Variants in OAS2 observed in about 807,000 individuals in gnomAD.
OAS2 encodes the protein 2'-5'-oligoadenylate synthase 2.
A neutral mutation model predicts 71.3 loss-of-function variants in OAS2; 67 were observed. That is an observed-to-expected ratio of 0.94 (90% CI 0.77 to 1.15). OAS2 has a LOEUF of 1.15. Ranked by LOEUF, OAS2 falls within the 50% of genes most tolerant of loss-of-function variation. OAS2 has a pLI of 0.00. For missense variants in OAS2, 789 were observed against 822.5 expected (o/e 0.96, Z 0.50); for synonymous variants, 327 against 321.8 (o/e 1.02, Z -0.17).
Position 113,009,664 on chromosome 12 carries a change from C to T in OAS2, c.*409C>T, listed in dbSNP as rs890880996. ...CCAGATGGCAGGTTTGCAATCCAAG[C>T]AGGAAGAAGGAAAAGATACCCAAAG... is the stretch of plus-strand genomic sequence containing the variant. On this transcript the variant is annotated 3_prime_UTR_variant, in exon 10 of 10. Transcript: ENST00000392583. 2.0e-6 allele frequency: 2 copies of T among 990,758 alleles called. No homozygotes were observed. The highest frequency in any genetic ancestry group is 2.4e-6 in the Non-Finnish European group (2 of 833,890). The allele number at this position is 990,758 out of a possible 1,614,324, so 61.4% of individuals were successfully genotyped here.
Position 112,978,598 on chromosome 12 carries a change from A to G in OAS2, c.-11A>G. The G allele has an allele frequency of 6.2e-7, 1 of 1,613,612 alleles. No individual in the cohort carries two copies. Among genetic ancestry groups the G allele is most frequent in the East Asian group, 2.2e-5 (1 of 44,846 alleles). ...ACCATTCACTGTCTTGCCGGCAGCC[A>G]GCTGAGAGCAATGGGAAATGGGGAG... On this transcript the variant is annotated 5_prime_UTR_variant, in exon 1 of 10. Coordinates refer to ENST00000392583, the MANE Select transcript of OAS2 (RefSeq NM_002535.3). The surrounding 1 kb of genome is among the most constrained non-coding windows in gnomAD (Gnocchi z 4.2).
chr12:112,994,677 C>A (rs1046729408), intron 2 of OAS2, among the ~76,000 whole-genome samples: 1 of 152,188 alleles, frequency 6.6e-6, no homozygotes, highest in Non-Finnish European at 1.5e-5. Flanking sequence ...CTGCCTCAGA[C>A]TCCCAAAGTG....
intron 5 of OAS2, among the ~76,000 whole-genome samples, chr12:113,002,076 G>A (rs1296061): frequency 0.8 from 121,071 of 152,002 alleles, 49,233 homozygotes; most frequent in East Asian, 1. Flanking sequence ...AAGGCTACCT[G>A]TTGGGTTCTA....
rs1219203993 is a variant in OAS2 at position 112,987,123 on chromosome 12, A to G, written c.263A>G (p.Gln88Arg). The change falls in exon 2 of 10, where the codon CAG becomes CGG. Residue 88 changes from glutamine to arginine, a missense_variant. Coordinates refer to ENST00000392583, the MANE Select transcript of OAS2 (RefSeq NM_002535.3). Reference sequence around the variant, plus strand: ...TTCTTCAGTGACTTAAAACAATTCCAGGATCAGAAGAGAAGCCAACGTGAC... The same window carrying G: ...TTCTTCAGTGACTTAAAACAATTCCGGGATCAGAAGAGAAGCCAACGTGAC... ...VLFFSDLKQF[Q>R]DQKRSQRDIL... is the part of the protein sequence containing the mutation. 1 of 1,614,060 alleles carries G rather than the reference A, an allele frequency of 6.2e-7. No homozygotes were observed. The highest frequency in any genetic ancestry group is 8.5e-7 in the Non-Finnish European group (1 of 1,180,020).
At chr12:113,005,812 G>A (rs2044326981) in intron 7 of OAS2, among the ~76,000 whole-genome samples, 1 of 149,760 alleles carries the variant, frequency 6.7e-6, no homozygotes, top group East Asian at 2.0e-4. Context: ...GATTGCTTGA[G>A]CCCAGGAGAT....
chr12:112,980,925 G>C (rs369559636), intron 1 of OAS2, among the ~76,000 whole-genome samples: 1 of 152,182 alleles, frequency 6.6e-6, no homozygotes. Context: ...GGGTGAGATG[G>C]TATCTCATTG....
chr12:112,993,058 A>G (rs921905200), intron 2 of OAS2, among the ~76,000 whole-genome samples: 6 of 152,144 alleles, frequency 3.9e-5, no homozygotes, highest in Non-Finnish European at 8.8e-5. Context: ...AATTATTATA[A>G]GCTCCTTTTT....
intron 4 of OAS2, among the ~76,000 whole-genome samples, chr12:112,998,002 A>G (rs1244470208): frequency 2.0e-5 from 3 of 152,140 alleles, no homozygotes; most frequent in Admixed American, 1.3e-4. Flanking sequence ...CCCCTTATAG[A>G]AGGAAGGAGC....
rs763845869 is a variant in OAS2 at position 113,003,112 on chromosome 12, G to C, written c.1179+10G>C. 1.9e-6 allele frequency: 3 copies of C among 1,613,610 alleles called. No homozygotes were observed. Among genetic ancestry groups the C allele is most frequent in the Non-Finnish European group, 2.5e-6 (3 of 1,179,740 alleles). On this transcript the variant is annotated intron_variant, in intron 6 of 9. Transcript: ENST00000392583. ...GATCCAGATTGTCCGGGTGAGCACTGGCCTTTCTCATGTCTTGTTGGAATG... is the reference window on the plus strand; with the variant it reads ...GATCCAGATTGTCCGGGTGAGCACTCGCCTTTCTCATGTCTTGTTGGAATG...
At chr12:112,986,118 G>T (rs1372325943) in intron 1 of OAS2, among the ~76,000 whole-genome samples, 1 of 152,230 alleles carries the variant, frequency 6.6e-6, no homozygotes, top group Non-Finnish European at 1.5e-5. Context: ...AGTGTTGTCT[G>T]TGAGCTCCTC....
In OAS2 at chr12:113,010,174, A is replaced by T. The variant is rs1210495373; in HGVS notation, c.*919A>T. 1 of 1,322,614 alleles carries T rather than the reference A, an allele frequency of 7.6e-7. No homozygotes were observed. The highest frequency in any genetic ancestry group is 9.6e-7 in the Non-Finnish European group (1 of 1,036,290). The allele number at this position is 1,322,614 out of a possible 1,614,324, so 81.9% of individuals were successfully genotyped here. A position where few individuals can be genotyped will look rare whatever the true frequency, so the allele number is the denominator to read the frequency against. On this transcript the variant is annotated 3_prime_UTR_variant, in exon 10 of 10. Transcript: ENST00000392583. ...ACCCTACACCCCAACCCTGGGGGGA[A>T]TGTAGGGAAGAGGTGGCCAAGCCAA...
At chr12:113,008,274 T>TTATCTACTC (rs1432826544) in intron 9 of OAS2, among the ~76,000 whole-genome samples, 1 of 152,150 alleles carries the variant, frequency 6.6e-6, no homozygotes, top group Non-Finnish European at 1.5e-5. Flanking sequence ...GGGTTAGGGT[T>TTATCTACTC]TATCTACTCT....
At position 112,987,037 on chromosome 12, in the gene OAS2, G is replaced by T. The variant is rs375439472; in HGVS notation, c.178-1G>T. 2.5e-6 allele frequency: 4 copies of T among 1,604,216 alleles called. No individual in the cohort carries two copies. The highest frequency in any genetic ancestry group is 3.4e-6 in the Non-Finnish European group (4 of 1,172,726). On this transcript the variant is annotated splice_acceptor_variant, in intron 1 of 9. Transcript: ENST00000392583. LOFTEE classifies it high-confidence loss of function. ...CATATCTGCTTCTTTGTCACTGGCA[G>T]GGTGGCTCCTATGGACGGAAAACAG...
Position 113,006,621 on chromosome 12 carries a change from G to A in OAS2, c.1656+21G>A, listed in dbSNP as rs1437061764. On this transcript the variant is annotated intron_variant, in intron 8 of 9. Coordinates refer to ENST00000392583, the MANE Select transcript of OAS2 (RefSeq NM_002535.3). ...AAGAGGTAAGGACAGTCTTTGTTCT[G>A]ACCATGGGGTTATTATTTTTACCAG... is the stretch of plus-strand genomic sequence containing the variant. 2.7e-6 allele frequency: 4 copies of A among 1,505,138 alleles called. No homozygotes were observed. In the South Asian group the frequency reaches 5.3e-5, roughly 20 times the overall value. 93.2% of individuals were successfully genotyped at this position (1,505,138 alleles called of 1,614,324 possible).
At chr12:113,005,820 G>T (rs2044327169) in intron 7 of OAS2, among the ~76,000 whole-genome samples, 1 of 150,018 alleles carries the variant, frequency 6.7e-6, no homozygotes, top group Non-Finnish European at 1.5e-5. Context: ...GAGCCCAGGA[G>T]ATGGAGGCTG....
Position 112,997,643 on chromosome 12 carries a change from G to A in OAS2, c.751G>A (p.Val251Ile), listed in dbSNP as rs768169767. 160 of 1,613,988 alleles carry A rather than the reference G, an allele frequency of 9.9e-5. No homozygotes were observed. The highest frequency in any genetic ancestry group is 3.8e-4 in the East Asian group (17 of 44,896). ...TGACATTGCTGAAGGCGTCAGAACC[G>A]TACTGGAGCTGATCAAATGCCAGGA... ...NFDIAEGVRTVLELIKCQEKL... is the reference protein window; with the variant it reads ...NFDIAEGVRTILELIKCQEKL... Residue 251 changes from valine (V) to isoleucine (I), a missense_variant, in exon 4 of 10, where the codon GTA becomes ATA. By Grantham distance (29) the Val-to-Ile change is conservative (BLOSUM62 3). Transcript: ENST00000392583.
chr12:113,006,680 T>C (rs2044338126), intron 8 of OAS2, 80 bp downstream of exon 8: 2 of 1,279,604 alleles, frequency 1.6e-6, no homozygotes, highest in South Asian at 3.6e-5. Context: ...TTGCCCACAA[T>C]CTCCCATGCT....
intron 5 of OAS2, among the ~76,000 whole-genome samples, chr12:113,000,615 A>C (rs1212109926): frequency 6.6e-6 from 1 of 151,192 alleles, no homozygotes; most frequent in Non-Finnish European, 1.5e-5. Context: ...GCATACATGC[A>C]CTCACACACA....
At chr12:112,996,369 T>C (rs2044231986) in intron 3 of OAS2, among the ~76,000 whole-genome samples, 1 of 152,232 alleles carries the variant, frequency 6.6e-6, no homozygotes, top group Admixed American at 6.5e-5. Context: ...GAATGTTGTG[T>C]ACATATATGC....
Sources: gnomAD v4.1 joint callset for allele counts (sites outside exome capture counted in the v4.1 genomes callset) on GRCh38, gnomAD v4.1.1 for gene constraint, Gnocchi (gnomAD v3.1) non-coding constraint, MANE v1.5 for transcripts, NCBI Gene and HGNC (gene_info 2026-07-23, HGNC 2026-07-21) for gene names.